Variants in SLC24A4 observed in about 807,000 individuals in gnomAD.
The protein encoded by SLC24A4 is solute carrier family 24 member 4.
SLC24A4 carries 53 observed loss-of-function variants against 79.0 expected under a neutral mutation model. That is an observed-to-expected ratio of 0.67 (90% CI 0.54 to 0.84). The LOEUF is 0.84. Among genes scored for constraint, SLC24A4 ranks in the 40% least tolerant of loss-of-function variants. SLC24A4 has a pLI of 0.00. For synonymous variants in SLC24A4, 323 were observed against 323.8 expected, an observed-to-expected ratio of 1.00 and a Z score of 0.03; for missense variants, 731 against 822.0, an observed-to-expected ratio of 0.89 and a Z score of 1.35.
At chr14:92,337,737 A>T (rs1020139716) in intron 2 of SLC24A4, among the ~76,000 whole-genome samples, 7 of 152,148 alleles carry the variant, frequency 4.6e-5, no homozygotes, top group Non-Finnish European at 1.0e-4. Context: ...GTACACACAT[A>T]TGTGCTCCTG....
At chr14:92,466,846 G>A (rs1894157255) in intron 12 of SLC24A4, among the ~76,000 whole-genome samples, 1 of 152,168 alleles carries the variant, frequency 6.6e-6, no homozygotes, top group Non-Finnish European at 1.5e-5. Context: ...ATCTCCCATT[G>A]TCTATGATGC....
At chr14:92,367,448 C>T (rs1228609622) in intron 2 of SLC24A4, among the ~76,000 whole-genome samples, 2 of 152,224 alleles carry the variant, frequency 1.3e-5, no homozygotes, top group African/African-American at 4.8e-5. Flanking sequence ...TATGTTATCC[C>T]ACACAGTTGG....
At chr14:92,354,463 T>C (rs1887065203) in intron 2 of SLC24A4, among the ~76,000 whole-genome samples, 1 of 152,170 alleles carries the variant, frequency 6.6e-6, no homozygotes, top group Non-Finnish European at 1.5e-5. Context: ...TAGCAGCTAC[T>C]TTTATAGTTT....
chr14:92,364,234 C>T (rs1887696122), intron 2 of SLC24A4, among the ~76,000 whole-genome samples: 1 of 152,192 alleles, frequency 6.6e-6, no homozygotes, highest in Non-Finnish European at 1.5e-5. Flanking sequence ...CAGCTCACCA[C>T]CCAGCCAGTA....
intron 1 of SLC24A4, 149 bp from the exon 2 acceptor site, chr14:92,325,719 A>G (rs1462983833): frequency 3.4e-6 from 2 of 590,922 alleles, no homozygotes; most frequent in African/African-American, 1.9e-5. Flanking sequence ...AGGTGATATT[A>G]TACTTCCAAT....
At position 92,336,406 on chromosome 14, in the gene SLC24A4, G is replaced by A. The variant is rs75635276; in HGVS notation, c.241+10428G>A. 6.0e-4 allele frequency among the ~76,000 whole-genome samples: 92 copies of A among 152,330 alleles called. 1 individual carries two copies. The East Asian group carries it at 0.017, about 28-fold the overall frequency. The stretch of plus-strand genomic sequence containing the variant: ...AGCAGTGGATGTCCTCCTTGGGAAA[G>A]GAACAGAGGTCACTGTGTGGCTGAG... On this transcript the variant is annotated intron_variant, in intron 2 of 16. Transcript: ENST00000532405.
intron 2 of SLC24A4, among the ~76,000 whole-genome samples, chr14:92,419,096 G>A (rs1245331648): frequency 2.6e-5 from 4 of 152,152 alleles, no homozygotes; most frequent in African/African-American, 9.7e-5. Flanking sequence ...TCCATTGATT[G>A]TAGATGTTAA....
intron 2 of SLC24A4, among the ~76,000 whole-genome samples, chr14:92,428,194 G>T (rs1193806410): frequency 1.3e-5 from 2 of 152,228 alleles, no homozygotes; most frequent in Non-Finnish European, 2.9e-5. Flanking sequence ...GGACATGATT[G>T]CCAGGAGAGC....
chr14:92,476,592 A>G (rs535761326), intron 12 of SLC24A4, among the ~76,000 whole-genome samples: 1 of 152,126 alleles, frequency 6.6e-6, no homozygotes, highest in South Asian at 2.1e-4. Context: ...ATTCGCCCTC[A>G]TAAACTAATT....
At position 92,323,782 on chromosome 14, in the gene SLC24A4, C is replaced by A; in HGVS notation, c.-49C>A. On this transcript the variant is annotated 5_prime_UTR_variant, in exon 1 of 17. Transcript: ENST00000532405. The surrounding 1 kb of genome is among the most constrained non-coding windows in gnomAD (Gnocchi z 4.9). ...GCTCGGCCACTGATTGCACTCTGGC[C>A]GCTGAAGCTCCCCATCCTCTCCCAG... is the stretch of plus-strand genomic sequence containing the variant. 6.6e-7 allele frequency: 1 copy of A among 1,525,190 alleles called. No individual in the cohort carries two copies. The highest frequency in any genetic ancestry group is 2.0e-5 in the Admixed American group (1 of 50,158). The allele number at this position is 1,525,190 out of a possible 1,614,324, so 94.5% of individuals were successfully genotyped here.
At chr14:92,476,412 G>A (rs1894765600) in intron 12 of SLC24A4, among the ~76,000 whole-genome samples, 1 of 151,988 alleles carries the variant, frequency 6.6e-6, no homozygotes, top group African/African-American at 2.4e-5. Context: ...CTTATTTCAA[G>A]CTAACCATAT....
At chr14:92,423,152 T>TCA (rs1595256736) in intron 2 of SLC24A4, among the ~76,000 whole-genome samples, 1 of 151,740 alleles carries the variant, frequency 6.6e-6, no homozygotes. Flanking sequence ...TCATTTCATT[T>TCA]TTTTTTGAGA....
chr14:92,343,628 CTT>C (rs1414892406), intron 2 of SLC24A4, among the ~76,000 whole-genome samples: 4 of 147,676 alleles, frequency 2.7e-5, no homozygotes, highest in African/African-American at 1.0e-4. Context: ...TTCTTTCTTT[CTT>C]TCTTTCTTTC....
At chr14:92,423,928 G>A (rs1441017049) in intron 2 of SLC24A4, among the ~76,000 whole-genome samples, 6 of 152,188 alleles carry the variant, frequency 3.9e-5, no homozygotes, top group Admixed American at 3.3e-4. Context: ...CACAGTTCAG[G>A]AGGCCAAAAG....
At chr14:92,327,450 C>T (rs1007142063) in intron 2 of SLC24A4, among the ~76,000 whole-genome samples, 5 of 152,198 alleles carry the variant, frequency 3.3e-5, no homozygotes, top group Non-Finnish European at 7.3e-5. Flanking sequence ...TGGCTCCACA[C>T]GGAAAAACAT....
chr14:92,422,836 G>T (rs561825828), intron 2 of SLC24A4, among the ~76,000 whole-genome samples: 2 of 152,106 alleles, frequency 1.3e-5, no homozygotes, highest in East Asian at 3.9e-4. Context: ...CATTTATTGC[G>T]ACAGGGTCTC....
At chr14:92,437,139 T>A (rs182982495) in intron 3 of SLC24A4, among the ~76,000 whole-genome samples, 1 of 152,324 alleles carries the variant, frequency 6.6e-6, no homozygotes, top group African/African-American at 2.4e-5. Flanking sequence ...CTTCCCCCAG[T>A]GCTTAGAGCA....
At chr14:92,489,222 G>A (rs147535408) in intron 14 of SLC24A4, among the ~76,000 whole-genome samples, 2,161 of 152,152 alleles carry the variant, frequency 0.014, 44 homozygotes, top group African/African-American at 0.05. Context: ...CGGATCACCT[G>A]AGGTCAGGAG....
In SLC24A4 at chr14:92,325,909, A is replaced by G. The variant is rs1885098495; in HGVS notation, c.172A>G (p.Thr58Ala). The G allele has an allele frequency of 6.2e-6, 10 of 1,612,640 alleles. No individual in the cohort carries two copies. Among genetic ancestry groups the G allele is most frequent in the Non-Finnish European group, 8.5e-6 (10 of 1,179,408 alleles). Reference protein sequence around the residue: ...ASASKRVLPDTWRNRKLMAPV... With the variant: ...ASASKRVLPDAWRNRKLMAPV... ...TGCTAGCAAACGTGTCCTGCCAGAC[A>G]CGTGGAGAAATAGAAAGTTGATGGC... The change falls in exon 2 of 17, where the codon ACG becomes GCG. Residue 58 changes from threonine to alanine, a missense_variant. Thr to Ala is a moderately conservative substitution (Grantham distance 58). Coordinates refer to ENST00000532405, the MANE Select transcript of SLC24A4 (RefSeq NM_153646.4).
Sources: gnomAD v4.1 joint callset for allele counts (sites outside exome capture counted in the v4.1 genomes callset) on GRCh38, gnomAD v4.1.1 for gene constraint, Gnocchi (gnomAD v3.1) non-coding constraint, MANE v1.5 for transcripts, NCBI Gene and HGNC (gene_info 2026-07-23, HGNC 2026-07-21) for gene names.